CHCHD3: variants seen among roughly 807,000 people sequenced by gnomAD.
CHCHD3 encodes coiled-coil-helix-coiled-coil-helix domain containing 3, also known as MICOS complex subunit MIC19.
CHCHD3 carries 20 observed loss-of-function variants against 38.2 expected under a neutral mutation model. The ratio of observed to expected loss-of-function variants is 0.52; its 90% CI spans 0.37 to 0.76. CHCHD3 has a LOEUF of 0.76. Ranked by LOEUF, CHCHD3 falls within the 30% of genes least tolerant of loss-of-function variation. The pLI, the probability that CHCHD3 is intolerant of heterozygous loss-of-function variation, is 0.00. For missense variants in CHCHD3, 245 were observed against 279.2 expected, an observed-to-expected ratio of 0.88 and a Z score of 0.87; for synonymous variants, 82 against 100.0, an observed-to-expected ratio of 0.82 and a Z score of 1.07.
intron 4 of CHCHD3, among the ~76,000 whole-genome samples, chr7:132,912,021 C>G (rs1054439733): frequency 6.6e-6 from 1 of 152,180 alleles, no homozygotes; most frequent in Non-Finnish European, 1.5e-5. Flanking sequence ...TGAATTACAT[C>G]GGCCAAACCA....
chr7:133,022,224 C>T (rs891620629), intron 3 of CHCHD3, among the ~76,000 whole-genome samples: 4 of 152,110 alleles, frequency 2.6e-5, no homozygotes, highest in African/African-American at 9.7e-5. Flanking sequence ...AATGTACGTA[C>T]GTAGATGCGT....
intron 4 of CHCHD3, among the ~76,000 whole-genome samples, chr7:132,892,492 A>G (rs1809386705): frequency 1.3e-5 from 2 of 152,156 alleles, no homozygotes; most frequent in Admixed American, 1.3e-4. Flanking sequence ...AGAAAAACCT[A>G]TTTTTCTGGG....
At chr7:132,986,897 C>T (rs1022109521) in intron 3 of CHCHD3, among the ~76,000 whole-genome samples, 1 of 152,190 alleles carries the variant, frequency 6.6e-6, no homozygotes, top group Non-Finnish European at 1.5e-5. Flanking sequence ...GAGCTGCTAA[C>T]CCCTGAGCCT....
chr7:132,992,565 G>C (rs941289189), intron 3 of CHCHD3, among the ~76,000 whole-genome samples: 51 of 152,182 alleles, frequency 3.4e-4, no homozygotes, highest in Non-Finnish European at 3.2e-4. Context: ...AATGTGGCTA[G>C]TCCAATCCAA....
In CHCHD3 at chr7:132,788,585, C is replaced by T. The variant is rs1199700505; in HGVS notation, c.661-2925G>A. 6.6e-6 allele frequency among the ~76,000 whole-genome samples: 1 copy of T among 152,160 alleles called. No individual in the cohort carries two copies. The highest frequency in any genetic ancestry group is 1.5e-5 in the Non-Finnish European group (1 of 68,030). On this transcript the variant is annotated intron_variant, in intron 7 of 7. Transcript: ENST00000262570. The surrounding 1 kb of genome is among the most constrained non-coding windows in gnomAD (Gnocchi z 4.0). ...CAAATATAGATGGGTAATTTTTCAG[C>T]CAAATCATATCATGCTAAGAATGTT...
At chr7:132,923,714 G>A (rs1810312526) in intron 4 of CHCHD3, among the ~76,000 whole-genome samples, 1 of 152,026 alleles carries the variant, frequency 6.6e-6, no homozygotes, top group Admixed American at 6.6e-5. Flanking sequence ...CTTGTCAATG[G>A]GAAATAAACT....
At chr7:132,878,437 A>G (rs185844512) in intron 5 of CHCHD3, among the ~76,000 whole-genome samples, 6 of 152,362 alleles carry the variant, frequency 3.9e-5, no homozygotes, top group Admixed American at 1.3e-4. Context: ...GTCATCTGCC[A>G]TAAGTGAGAG....
chr7:132,967,201 T>C (rs1811486672), intron 4 of CHCHD3, among the ~76,000 whole-genome samples: 1 of 152,208 alleles, frequency 6.6e-6, no homozygotes, highest in South Asian at 2.1e-4. Context: ...GAGAACACAT[T>C]CTAAGCAGAG....
chr7:132,908,122 A>G (rs10225072), intron 4 of CHCHD3, among the ~76,000 whole-genome samples: 7,132 of 152,276 alleles, frequency 0.047, 311 homozygotes, highest in East Asian at 0.11. Context: ...ATAATTAATG[A>G]AAGAGAAGGA....
chr7:133,081,845 A>G lies in CHCHD3; in HGVS notation c.81+12T>C. The G allele has an allele frequency of 6.4e-7, 1 of 1,552,422 alleles. No individual in the cohort carries two copies. Among genetic ancestry groups the G allele is most frequent in the Non-Finnish European group, 8.7e-7 (1 of 1,147,302 alleles). On this transcript the variant is annotated intron_variant, in intron 1 of 7. Coordinates refer to ENST00000262570, the MANE Select transcript of CHCHD3 (RefSeq NM_017812.4). ...CCAACCACTGGCCCTCCGCCCGTCC[A>G]CGGGCACTCACCCGGATGCCCTTCA...
chr7:132,875,036 C>G (rs577319296), intron 5 of CHCHD3, among the ~76,000 whole-genome samples: 4 of 152,096 alleles, frequency 2.6e-5, no homozygotes, highest in Admixed American at 2.6e-4. Flanking sequence ...ACTTTTACAT[C>G]CTAGGATGCA....
At chr7:132,883,050 C>T (rs1462358056) in intron 5 of CHCHD3, among the ~76,000 whole-genome samples, 4 of 152,060 alleles carry the variant, frequency 2.6e-5, no homozygotes, top group Admixed American at 6.6e-5. Context: ...CTCTCTCCTG[C>T]CACCATGTGA....
At chr7:132,996,644 C>T (rs1812424073) in intron 3 of CHCHD3, among the ~76,000 whole-genome samples, 1 of 152,136 alleles carries the variant, frequency 6.6e-6, no homozygotes, top group African/African-American at 2.4e-5. Context: ...TATGCAGTCC[C>T]CCAAATTGAA....
At chr7:132,815,834 T>G (rs931680268) in intron 6 of CHCHD3, among the ~76,000 whole-genome samples, 10 of 151,936 alleles carry the variant, frequency 6.6e-5, no homozygotes, top group Non-Finnish European at 1.2e-4. Flanking sequence ...AAAGCAGGAG[T>G]AGCAAATACA....
chr7:132,803,647 C>T (rs1434933183), intron 6 of CHCHD3, among the ~76,000 whole-genome samples: 2 of 151,812 alleles, frequency 1.3e-5, no homozygotes, highest in African/African-American at 4.8e-5. Context: ...TCATTTATTC[C>T]TTTATCTACT....
intron 4 of CHCHD3, among the ~76,000 whole-genome samples, chr7:132,966,588 T>C (rs975619812): frequency 2.6e-5 from 4 of 152,178 alleles, no homozygotes; most frequent in Admixed American, 6.5e-5. Flanking sequence ...GTAAATAATA[T>C]TGCTGTTCAA....
At chr7:133,074,845 A>T (rs1264390896) in intron 1 of CHCHD3, among the ~76,000 whole-genome samples, 1 of 152,170 alleles carries the variant, frequency 6.6e-6, no homozygotes, top group Non-Finnish European at 1.5e-5. Context: ...GATTCTGTGG[A>T]GGGATTTTAG....
At chr7:132,793,387 C>T (rs989276829) in intron 7 of CHCHD3, among the ~76,000 whole-genome samples, 6 of 152,220 alleles carry the variant, frequency 3.9e-5, no homozygotes, top group African/African-American at 1.4e-4. Context: ...GTATCTCATA[C>T]AGCCAGCCAG....
At chr7:133,059,557 G>A (rs1814440495) in intron 2 of CHCHD3, among the ~76,000 whole-genome samples, 1 of 152,172 alleles carries the variant, frequency 6.6e-6, no homozygotes, top group Non-Finnish European at 1.5e-5. Context: ...ACTAGGAGGA[G>A]GACATGAACC....
Sources: gnomAD v4.1 joint callset for allele counts (sites outside exome capture counted in the v4.1 genomes callset) on GRCh38, gnomAD v4.1.1 for gene constraint, Gnocchi (gnomAD v3.1) non-coding constraint, MANE v1.5 for transcripts, NCBI Gene and HGNC (gene_info 2026-07-23, HGNC 2026-07-21) for gene names.